NRXN1: variants seen among roughly 807,000 people sequenced by gnomAD.
The protein encoded by NRXN1 is neurexin 1, also known as neurexin-1.
In NRXN1, 39 loss-of-function variants were observed where a neutral mutation model predicts 150.9. That is an observed-to-expected ratio of 0.26 (90% CI 0.20 to 0.34). NRXN1 has a LOEUF of 0.34. NRXN1 is among the 10% of genes least tolerant of loss of function. NRXN1 has a pLI of 1.00. For missense variants in NRXN1, 1,815 were observed against 1,949.9 expected (o/e 0.93, Z 1.30); for synonymous variants, 924 against 757.0 (o/e 1.22, Z -3.62).
In NRXN1 at chr2:50,729,708, G is replaced by A. The variant is rs141600578; in HGVS notation, c.833-106093C>T. 4.9e-4 allele frequency among the ~76,000 whole-genome samples: 75 copies of A among 152,180 alleles called. 7 individuals carry two copies. The highest frequency in any genetic ancestry group is 3.5e-3 in the East Asian group (18 of 5,180). ...CTCAGCACAAAGAACAGCCTCCCTC[G>A]GGGACTGGGTAGAGTTGCTATCTGA... On this transcript the variant is annotated intron_variant, in intron 5 of 22. Coordinates refer to ENST00000401669, the MANE Select transcript of NRXN1 (RefSeq NM_001330078.2).
intron 21 of NRXN1, among the ~76,000 whole-genome samples, chr2:50,021,851 T>A (rs533085328): frequency 1.3e-5 from 2 of 152,174 alleles, no homozygotes; most frequent in South Asian, 4.1e-4. Context: ...TTAATGGTAA[T>A]ATTTATTTAT....
At chr2:50,137,673 T>C (rs1276242087) in intron 18 of NRXN1, among the ~76,000 whole-genome samples, 3 of 152,170 alleles carry the variant, frequency 2.0e-5, no homozygotes, top group African/African-American at 7.2e-5. Flanking sequence ...AATTATTCCC[T>C]GTTTCAAAAA....
At chr2:50,731,505 G>A (rs1299996629) in intron 5 of NRXN1, among the ~76,000 whole-genome samples, 1 of 152,146 alleles carries the variant, frequency 6.6e-6, no homozygotes, top group Non-Finnish European at 1.5e-5. Context: ...GAGGGATGGA[G>A]AGGTTGAGTT....
rs79735006 is a variant in NRXN1 at position 50,851,463 on chromosome 2, T to C, written c.832+70406A>G. ...CTGGAGTAAGTGGGGGTGTTGTCTG[T>C]CTTGCTGCAATGGCCTCCTCTCTCT... On this transcript the variant is annotated intron_variant, in intron 5 of 22. Coordinates refer to ENST00000401669, the MANE Select transcript of NRXN1 (RefSeq NM_001330078.2). Among the ~76,000 whole-genome samples, 425 of 152,272 alleles carry C rather than the reference T, an allele frequency of 2.8e-3. 5 individuals are homozygous for C. The highest frequency in any genetic ancestry group is 5.0e-3 in the Non-Finnish European group (343 of 68,022).
intron 12 of NRXN1, among the ~76,000 whole-genome samples, chr2:50,520,292 C>T (rs376377700): frequency 1.3e-5 from 2 of 151,358 alleles, no homozygotes; most frequent in South Asian, 2.1e-4. Flanking sequence ...GGAAATTTAG[C>T]CTGTAAATTA....
chr2:50,026,985 G>A (rs1374714172), intron 21 of NRXN1, among the ~76,000 whole-genome samples: 5 of 143,214 alleles, frequency 3.5e-5, no homozygotes, highest in South Asian at 2.3e-4. Context: ...AGGTTCAAGC[G>A]ATTCTTCTGC....
chr2:50,342,036 C>T (rs1221854158), intron 17 of NRXN1, among the ~76,000 whole-genome samples: 3 of 152,286 alleles, frequency 2.0e-5, no homozygotes, highest in Non-Finnish European at 2.9e-5. Flanking sequence ...GTTCTGCCTC[C>T]GATATCTTGC....
chr2:50,709,062 C>A (rs1011065902), intron 5 of NRXN1, among the ~76,000 whole-genome samples: 3 of 152,098 alleles, frequency 2.0e-5, no homozygotes, highest in Non-Finnish European at 4.4e-5. Flanking sequence ...TTTATGGGAG[C>A]CTCTCAGAGG....
rs145054055 is a variant in NRXN1 at position 50,663,656 on chromosome 2, T to C, written c.833-40041A>G. ...CCTTTAGGATACATGACAATTAATG[T>C]AGTAAAGGTAATTTCAATTCATTCT... is the stretch of plus-strand genomic sequence containing the variant. On this transcript the variant is annotated intron_variant, in intron 5 of 22. Coordinates refer to ENST00000401669, the MANE Select transcript of NRXN1 (RefSeq NM_001330078.2). 5.0e-3 allele frequency among the ~76,000 whole-genome samples: 763 copies of C among 152,148 alleles called. 11 individuals carry two copies. Among genetic ancestry groups the C allele is most frequent in the African/African-American group, 0.018 (729 of 41,562 alleles).
chr2:50,897,555 A>G (rs1048941742), intron 5 of NRXN1, among the ~76,000 whole-genome samples: 41 of 152,234 alleles, frequency 2.7e-4, no homozygotes, highest in African/African-American at 8.4e-4. Flanking sequence ...ACACATAAAA[A>G]CATAATTTAA....
intron 19 of NRXN1, among the ~76,000 whole-genome samples, chr2:50,091,106 C>T (rs763517437): frequency 2.0e-5 from 3 of 152,116 alleles, no homozygotes; most frequent in African/African-American, 7.2e-5. Context: ...ATTTTGAAAA[C>T]GATAATGTAC....
intron 17 of NRXN1, among the ~76,000 whole-genome samples, chr2:50,353,864 G>C (rs943950720): frequency 6.6e-6 from 1 of 152,106 alleles, no homozygotes; most frequent in Admixed American, 6.6e-5. Context: ...ATACACTAGA[G>C]GGGCTAGAAG....
chr2:49,930,160 T>A (rs1331800695), intron 22 of NRXN1, among the ~76,000 whole-genome samples: 1 of 152,090 alleles, frequency 6.6e-6, no homozygotes, highest in Non-Finnish European at 1.5e-5. Context: ...ACAGTGAGAT[T>A]TAAGGGAGAG....
intron 15 of NRXN1, among the ~76,000 whole-genome samples, chr2:50,475,233 G>A (rs949136822): frequency 6.6e-6 from 1 of 151,952 alleles, no homozygotes; most frequent in African/African-American, 2.4e-5. Flanking sequence ...ATTATGTATA[G>A]AATACTATAT....
rs1164014762 is a variant in NRXN1, at chr2:50,497,496, G to C, written c.2716C>G (p.Pro906Ala). The C allele has an allele frequency of 6.2e-7, 1 of 1,613,888 alleles. No individual in the cohort carries two copies. Among genetic ancestry groups the C allele is most frequent in the Admixed American group, 1.7e-5 (1 of 60,002 alleles). The change falls in exon 14 of 23, where the codon CCT becomes GCT. Residue 906 changes from proline to alanine, a missense_variant. By Grantham distance (27) the Pro-to-Ala change is conservative (BLOSUM62 -1). This residue lies in a region of NRXN1 where 339 missense variants were observed against 440.3 expected (regional missense o/e 0.77). Coordinates refer to ENST00000401669, the MANE Select transcript of NRXN1 (RefSeq NM_001330078.2). ...CTCGATTTGGTCTTGAAGGTGACAG[G>C]ATCTGCTATGATGTTCCTGAAGCCA... ...RFGFRNIIAD[P>A]VTFKTKSSYV... is the part of the protein sequence containing the mutation.
At chr2:50,866,254 A>G (rs1220726456) in intron 5 of NRXN1, among the ~76,000 whole-genome samples, 1 of 151,976 alleles carries the variant, frequency 6.6e-6, no homozygotes. Context: ...GATGATTTAT[A>G]TCTATATTAG....
At chr2:50,319,493 A>G (rs937163097) in intron 17 of NRXN1, among the ~76,000 whole-genome samples, 2 of 152,132 alleles carry the variant, frequency 1.3e-5, no homozygotes, top group Non-Finnish European at 2.9e-5. Flanking sequence ...ATTTGTTTTC[A>G]TCGAAAAGGA....
At chr2:50,494,857 A>C (rs1347576411) in intron 15 of NRXN1, among the ~76,000 whole-genome samples, 1 of 151,866 alleles carries the variant, frequency 6.6e-6, no homozygotes, top group African/African-American at 2.4e-5. Context: ...ACACGGCAAA[A>C]ACCTGTCTCT....
chr2:50,203,488 G>A (rs886836949), intron 18 of NRXN1, among the ~76,000 whole-genome samples: 1 of 152,102 alleles, frequency 6.6e-6, no homozygotes. Context: ...TATATACTGA[G>A]TTTTCTAGGC....
Sources: allele counts gnomAD v4.1 joint callset (sites outside exome capture counted in the v4.1 genomes callset), GRCh38; gene constraint gnomAD v4.1.1; regional missense constraint gnomAD v4.1.1; transcripts MANE v1.5; gene names NCBI Gene and HGNC (gene_info 2026-07-23, HGNC 2026-07-21).